The following CSMD1 variants were observed in gnomAD, a reference collection of about 807,000 sequenced individuals.
CSMD1 encodes CUB and sushi domain-containing protein 1.
In CSMD1, 213 loss-of-function variants were observed where a neutral mutation model predicts 417.5. The ratio of observed to expected loss-of-function variants is 0.51; its 90% CI spans 0.46 to 0.57. The LOEUF is 0.57. Among genes scored for constraint, CSMD1 ranks in the 20% least tolerant of loss-of-function variants. The pLI, the probability that CSMD1 is intolerant of heterozygous loss-of-function variation, is 0.00. For synonymous variants in CSMD1, 2,862 were observed against 1,736.8 expected, an observed-to-expected ratio of 1.65 and a Z score of -16.11; for missense variants, 6,923 against 4,529.7, an observed-to-expected ratio of 1.53 and a Z score of -15.17.
intron 3 of CSMD1, among the ~76,000 whole-genome samples, chr8:4,191,148 G>A (rs1332567067): frequency 6.6e-6 from 1 of 152,170 alleles, no homozygotes; most frequent in Non-Finnish European, 1.5e-5. Flanking sequence ...TGTAATCCCA[G>A]CACTTTGGGA....
intron 5 of CSMD1, among the ~76,000 whole-genome samples, chr8:3,865,625 T>C (rs1805038416): frequency 6.6e-6 from 1 of 152,172 alleles, no homozygotes; most frequent in Non-Finnish European, 1.5e-5. Context: ...TATTCCTTCA[T>C]GTATTTATTC....
At chr8:4,559,522 T>A (rs745326235) in intron 2 of CSMD1, among the ~76,000 whole-genome samples, 6 of 152,186 alleles carry the variant, frequency 3.9e-5, no homozygotes, top group Admixed American at 1.3e-4. Context: ...AGGGTTCATA[T>A]TAAGTTCTTG....
At chr8:3,738,382 C>A (rs946727523) in intron 6 of CSMD1, among the ~76,000 whole-genome samples, 1 of 152,194 alleles carries the variant, frequency 6.6e-6, no homozygotes, top group African/African-American at 2.4e-5. Flanking sequence ...TACAATTGTA[C>A]ATTCTTCTCA....
intron 1 of CSMD1, among the ~76,000 whole-genome samples, chr8:4,767,616 T>C (rs775585404): frequency 1.3e-5 from 2 of 152,212 alleles, no homozygotes; most frequent in African/African-American, 2.4e-5. Context: ...ACCTGCGACC[T>C]GCTATTACTT....
intron 10 of CSMD1, among the ~76,000 whole-genome samples, chr8:3,526,448 G>C (rs1368324001): frequency 1.3e-5 from 2 of 152,012 alleles, no homozygotes; most frequent in African/African-American, 2.4e-5. Flanking sequence ...AGACACAGCA[G>C]ATATATTACC....
rs182909147 is a variant in CSMD1, at chr8:4,747,798, G to A, written c.86-110240C>T. On this transcript the variant is annotated intron_variant, in intron 1 of 69. Coordinates refer to ENST00000635120, the MANE Select transcript of CSMD1 (RefSeq NM_033225.6). ...TGGGATAGAGGCTAAAAAAAACATC[G>A]AAACCCAGCCAAAGCATCATTTGTA... Among the ~76,000 whole-genome samples, 9 of 152,200 alleles carry A rather than the reference G, an allele frequency of 5.9e-5. No individual in the cohort carries two copies. In the East Asian group the frequency reaches 1.5e-3, roughly 26 times the overall value.
At chr8:3,764,567 G>C (rs569021284) in intron 5 of CSMD1, among the ~76,000 whole-genome samples, 3 of 151,954 alleles carry the variant, frequency 2.0e-5, no homozygotes, top group East Asian at 1.9e-4. Flanking sequence ...GTGAGTGTCT[G>C]CAAGAGAGGA....
chr8:4,392,035 G>T (rs1480989490), intron 3 of CSMD1, among the ~76,000 whole-genome samples: 1 of 152,156 alleles, frequency 6.6e-6, no homozygotes, highest in Non-Finnish European at 1.5e-5. Flanking sequence ...TGAGTCCCAG[G>T]GTTTTGGGGG....
intron 1 of CSMD1, among the ~76,000 whole-genome samples, chr8:4,910,328 G>T (rs770637361): frequency 5.9e-5 from 9 of 152,154 alleles, no homozygotes; most frequent in Non-Finnish European, 1.3e-4. Flanking sequence ...TTCTGTCAAT[G>T]TTGATGATGT....
chr8:3,928,485 G>C (rs1413658806), intron 5 of CSMD1, among the ~76,000 whole-genome samples: 1 of 151,298 alleles, frequency 6.6e-6, no homozygotes, highest in African/African-American at 2.4e-5. Flanking sequence ...TAAAAATGCA[G>C]TTAAGTGGAA....
chr8:3,985,235 T>C (rs1288260483), intron 5 of CSMD1, among the ~76,000 whole-genome samples: 2 of 152,186 alleles, frequency 1.3e-5, no homozygotes, highest in South Asian at 2.1e-4. Flanking sequence ...GGGTTATAAA[T>C]TGAAGTCCCA....
At chr8:3,476,910 CTCAAA>C (rs1817461979) in intron 11 of CSMD1, among the ~76,000 whole-genome samples, 1 of 82,942 alleles carries the variant, frequency 1.2e-5, no homozygotes, top group Admixed American at 1.2e-4. Context: ...GAAACTCCGC[CTCAAA>C]AAAAAAAAAA....
At chr8:3,346,081 A>AT (rs1807970262) in intron 22 of CSMD1, among the ~76,000 whole-genome samples, 1 of 152,174 alleles carries the variant, frequency 6.6e-6, no homozygotes, top group African/African-American at 2.4e-5. Context: ...AATTAAGATA[A>AT]TTTTACTATA....
chr8:4,801,920 T>C (rs1292879337), intron 1 of CSMD1, among the ~76,000 whole-genome samples: 1 of 152,224 alleles, frequency 6.6e-6, no homozygotes. Flanking sequence ...GCATTCGTAC[T>C]GTGATTCAAG....
At chr8:3,556,197 G>A (rs1799132995) in intron 10 of CSMD1, among the ~76,000 whole-genome samples, 2 of 151,684 alleles carry the variant, frequency 1.3e-5, no homozygotes, top group Admixed American at 6.6e-5. Context: ...ACTTAATTAT[G>A]AAGACTTTTG....
chr8:3,970,269 G>C (rs1334277596), intron 5 of CSMD1, among the ~76,000 whole-genome samples: 1 of 152,192 alleles, frequency 6.6e-6, no homozygotes, highest in Non-Finnish European at 1.5e-5. Context: ...AACGCTGTAT[G>C]TCCGAAGCCT....
At chr8:4,902,797 G>C (rs927649163) in intron 1 of CSMD1, among the ~76,000 whole-genome samples, 1 of 151,814 alleles carries the variant, frequency 6.6e-6, no homozygotes, top group African/African-American at 2.4e-5. Flanking sequence ...CAGTTACCAG[G>C]TTCATGTGTA....
At chr8:3,908,156 T>A (rs935224129) in intron 5 of CSMD1, among the ~76,000 whole-genome samples, 2 of 152,192 alleles carry the variant, frequency 1.3e-5, no homozygotes, top group African/African-American at 4.8e-5. Flanking sequence ...ACTATAAACC[T>A]GCATTTATGC....
At chr8:2,959,558 ATT>A (rs139682418) in intron 62 of CSMD1, among the ~76,000 whole-genome samples, 88 of 150,472 alleles carry the variant, frequency 5.8e-4, no homozygotes, top group Non-Finnish European at 1.1e-3. Flanking sequence ...CTTCTCAATA[ATT>A]TTTTTTTTAG....
Sources: allele counts gnomAD v4.1 joint callset (sites outside exome capture counted in the v4.1 genomes callset), GRCh38; gene constraint gnomAD v4.1.1; transcripts MANE v1.5; gene names NCBI Gene and HGNC (gene_info 2026-07-23, HGNC 2026-07-21).